Variants in GRM1 observed in about 807,000 individuals in gnomAD.
The protein encoded by GRM1 is glutamate metabotropic receptor 1.
A neutral mutation model predicts 90.9 loss-of-function variants in GRM1; 33 were observed. That is an observed-to-expected ratio of 0.36 (90% CI 0.28 to 0.49). GRM1 has a LOEUF of 0.49. Among genes scored for constraint, GRM1 ranks in the 20% least tolerant of loss-of-function variants. The pLI is 0.99. For missense variants in GRM1, 1,190 were observed against 1,534.3 expected, an observed-to-expected ratio of 0.78 and a Z score of 3.75; for synonymous variants, 700 against 613.2, an observed-to-expected ratio of 1.14 and a Z score of -2.09.
At chr6:146,240,299 A>G (rs1240088152) in intron 2 of GRM1, among the ~76,000 whole-genome samples, 1 of 152,092 alleles carries the variant, frequency 6.6e-6, no homozygotes, top group Admixed American at 6.6e-5. Context: ...CTCATGAGGC[A>G]TCACCCAAAA....
chr6:146,342,770 G>T (rs1374371660), intron 3 of GRM1, among the ~76,000 whole-genome samples: 1 of 152,098 alleles, frequency 6.6e-6, no homozygotes, highest in African/African-American at 2.4e-5. Context: ...ACTAGTTCTT[G>T]GACATATTTT....
At chr6:146,331,905 T>C (rs764750175) in intron 3 of GRM1, among the ~76,000 whole-genome samples, 1 of 152,152 alleles carries the variant, frequency 6.6e-6, no homozygotes, top group Non-Finnish European at 1.5e-5. Context: ...TGAAAAAAAT[T>C]GGCCTTCGGA....
Position 146,352,489 on chromosome 6 carries a change from C to T in GRM1, c.1426C>T (p.Pro476Ser), listed in dbSNP as rs1262406472. The T allele has an allele frequency of 1.9e-6, 3 of 1,613,578 alleles. No homozygotes were observed. The highest frequency in any genetic ancestry group is 2.5e-6 in the Non-Finnish European group (3 of 1,179,820). ...EVWFDEKGDA[P>S]GRYDIMNLQY... ...GTGGTTTGATGAGAAAGGAGACGCTCCTGGAAGGTAATCTTTTCAGTAATC... is the reference window on the plus strand; with the variant it reads ...GTGGTTTGATGAGAAAGGAGACGCTTCTGGAAGGTAATCTTTTCAGTAATC... The change falls in exon 4 of 8, where the codon CCT becomes TCT. Residue 476 changes from proline to serine, a missense_variant. By Grantham distance (74) the Pro-to-Ser change is moderately conservative. This residue lies in a region of GRM1 where 414 missense variants were observed against 598.4 expected (regional missense o/e 0.69). Coordinates refer to ENST00000282753, the MANE Select transcript of GRM1 (RefSeq NM_001278064.2).
chr6:146,353,529 T>C (rs984231605), intron 4 of GRM1, among the ~76,000 whole-genome samples: 8 of 152,242 alleles, frequency 5.3e-5, no homozygotes, highest in Non-Finnish European at 2.9e-5. Flanking sequence ...GTCCACAGAT[T>C]GCAAGCGGTG....
chr6:146,042,512 T>A (rs1396311260), intron 1 of GRM1, among the ~76,000 whole-genome samples: 1 of 151,998 alleles, frequency 6.6e-6, no homozygotes, highest in Non-Finnish European at 1.5e-5. Flanking sequence ...GTGGCAGGGC[T>A]AGCCTTGAAC....
chr6:146,216,754 G>A (rs1010474618), intron 2 of GRM1, among the ~76,000 whole-genome samples: 3 of 152,182 alleles, frequency 2.0e-5, no homozygotes, highest in Admixed American at 6.5e-5. Context: ...ACACGCTGAA[G>A]TCAAGTTATC....
Position 146,029,275 on chromosome 6 carries a change from G to C in GRM1, c.-243G>C, listed in dbSNP as rs1464384863. 6 of 563,474 alleles carry C rather than the reference G, an allele frequency of 1.1e-5. No individual in the cohort carries two copies. The highest frequency in any genetic ancestry group is 9.4e-4 in the Middle Eastern group (2 of 2,130). The allele number at this position is 563,474 out of a possible 1,614,324, so 34.9% of individuals were successfully genotyped here. The stretch of plus-strand genomic sequence containing the variant: ...CCTTGATGCACTACCGGTGAAGAAC[G>C]GGGACTCGAATTCCCTTACAAACGC... On this transcript the variant is annotated 5_prime_UTR_variant, in exon 1 of 8. Coordinates refer to ENST00000282753, the MANE Select transcript of GRM1 (RefSeq NM_001278064.2).
At chr6:146,185,920 C>G (rs927448067) in intron 2 of GRM1, among the ~76,000 whole-genome samples, 2 of 151,770 alleles carry the variant, frequency 1.3e-5, no homozygotes, top group African/African-American at 4.8e-5. Context: ...GATACCTTAT[C>G]CACTTAGTGC....
chr6:146,427,588 G>A (rs1778256803), intron 7 of GRM1, among the ~76,000 whole-genome samples: 1 of 152,198 alleles, frequency 6.6e-6, no homozygotes, highest in Non-Finnish European at 1.5e-5. Context: ...TCACTCAGTG[G>A]AGTGCAATGG....
chr6:146,300,818 C>A (rs1295273751), intron 2 of GRM1, among the ~76,000 whole-genome samples: 1 of 152,186 alleles, frequency 6.6e-6, no homozygotes, highest in African/African-American at 2.4e-5. Flanking sequence ...AGTTTACACC[C>A]TGCCACCACC....
intron 2 of GRM1, among the ~76,000 whole-genome samples, chr6:146,240,824 C>T (rs779965706): frequency 3.3e-5 from 5 of 152,118 alleles, no homozygotes; most frequent in Non-Finnish European, 5.9e-5. Flanking sequence ...AAATGACTGA[C>T]ATTGTGGTAC....
chr6:146,029,527 C>A lies in GRM1; in HGVS notation c.10C>A (p.Leu4Ile). MVG[L>I]LLFFFPAIFL... ...CCTCGTCCTCACCACCATGGTCGGG[C>A]TCCTTTTGTTTTTTTTCCCAGCGAT... Residue 4 changes from leucine (L) to isoleucine (I), a missense_variant, in exon 1 of 8, where the codon CTC becomes ATC. This residue lies in a region of GRM1 where 44 missense variants were observed against 35.8 expected (regional missense o/e 1.23). Coordinates refer to ENST00000282753, the MANE Select transcript of GRM1 (RefSeq NM_001278064.2). 4 of 1,613,680 alleles carry A rather than the reference C, an allele frequency of 2.5e-6. No individual in the cohort carries two copies. Among genetic ancestry groups the A allele is most frequent in the Non-Finnish European group, 3.4e-6 (4 of 1,179,578 alleles).
intron 3 of GRM1, among the ~76,000 whole-genome samples, chr6:146,349,089 C>T (rs1403059190): frequency 1.7e-5 from 2 of 117,426 alleles, no homozygotes; most frequent in Admixed American, 8.1e-5. Flanking sequence ...ATTATTGAGA[C>T]GGAGTCTCGT....
Position 146,202,944 on chromosome 6 carries a change from C to T in GRM1, c.950+43347C>T, listed in dbSNP as rs185018903. Among the ~76,000 whole-genome samples, 244 of 152,088 alleles carry T rather than the reference C, an allele frequency of 1.6e-3. 1 individual carries two copies. Among genetic ancestry groups the T allele is most frequent in the Middle Eastern group, 0.01 (3 of 294 alleles). ...GGCGCGGTGGCTCACGTTTGTAATC[C>T]CAGCACTTTGGGAGGCCAAGGCGGG... is the stretch of plus-strand genomic sequence containing the variant. On this transcript the variant is annotated intron_variant, in intron 2 of 7. Transcript: ENST00000282753.
At chr6:146,210,950 T>A (rs1779669355) in intron 2 of GRM1, among the ~76,000 whole-genome samples, 1 of 152,018 alleles carries the variant, frequency 6.6e-6, no homozygotes, top group South Asian at 2.1e-4. Context: ...GTTAAGCATA[T>A]GGGTAAAATA....
chr6:146,188,189 T>G (rs1228636182), intron 2 of GRM1, among the ~76,000 whole-genome samples: 7 of 152,338 alleles, frequency 4.6e-5, no homozygotes, highest in African/African-American at 1.7e-4. Context: ...GCCTTTTCTC[T>G]GATTTTCTTT....
intron 1 of GRM1, among the ~76,000 whole-genome samples, chr6:146,106,016 T>A (rs191461512): frequency 1.1e-4 from 17 of 152,360 alleles, no homozygotes; most frequent in Middle Eastern, 3.4e-3. Flanking sequence ...AAACAGGGTC[T>A]AGGGCATTGT....
intron 7 of GRM1, among the ~76,000 whole-genome samples, chr6:146,412,275 G>A (rs1232767087): frequency 6.6e-6 from 1 of 152,170 alleles, no homozygotes; most frequent in East Asian, 1.9e-4. Flanking sequence ...GTTCTTTCAG[G>A]GGCAGACAAA....
intron 4 of GRM1, among the ~76,000 whole-genome samples, chr6:146,356,367 C>T (rs1217278623): frequency 6.6e-6 from 1 of 152,098 alleles, no homozygotes; most frequent in Non-Finnish European, 1.5e-5. Flanking sequence ...CTAGGGAGGA[C>T]CTGCTTTCTG....
Sources: allele counts gnomAD v4.1 joint callset (sites outside exome capture counted in the v4.1 genomes callset), GRCh38; gene constraint gnomAD v4.1.1; regional missense constraint gnomAD v4.1.1; transcripts MANE v1.5; gene names NCBI Gene and HGNC (gene_info 2026-07-23, HGNC 2026-07-21).